PIP4K2A: variants seen among roughly 807,000 people sequenced by gnomAD.
PIP4K2A encodes the protein phosphatidylinositol-5-phosphate 4-kinase type 2 alpha, also known as phosphatidylinositol 5-phosphate 4-kinase type-2 alpha.
In PIP4K2A, 14 loss-of-function variants were observed where a neutral mutation model predicts 42.9. The ratio of observed to expected loss-of-function variants is 0.33; its 90% confidence interval spans 0.22 to 0.51. The LOEUF (loss-of-function observed/expected upper bound fraction) is 0.51, where lower values mean the gene tolerates loss of function less well. Ranked by LOEUF, PIP4K2A falls within the 20% of genes least tolerant of loss-of-function variation. The pLI, the probability that PIP4K2A is intolerant of heterozygous loss-of-function variation, is 0.97. For missense variants in PIP4K2A, 434 were observed against 519.8 expected (o/e 0.83, Z 1.61); for synonymous variants, 192 against 192.2 (o/e 1.00, Z 0.01).
Position 22,542,054 on chromosome 10 carries a change from A to G in PIP4K2A, c.793-7T>C. On this transcript the variant is annotated splice_polypyrimidine_tract_variant and splice_region_variant and intron_variant, in intron 7 of 9. Transcript: ENST00000376573. ...GCTTCAGCTGGGCCAGAAACTGGGG[A>G]CAGAGGCAACAGGGTGAGTCAGCCA... 1 of 1,601,038 alleles carries G rather than the reference A, an allele frequency of 6.2e-7. No homozygotes were observed. The highest frequency in any genetic ancestry group is 8.5e-7 in the Non-Finnish European group (1 of 1,173,498).
At position 22,664,128 on chromosome 10, in the gene PIP4K2A, TACATATATATATACATATATATAC is replaced by T. The variant is rs1564460041; in HGVS notation, c.144+50031_144+50054del. ...ACATATATATATACATATATATATATACATATATATATACATATATATACACATATATATATATACATATATATA... is the reference window on the plus strand; with the variant it reads ...ACATATATATATACATATATATATATACATATATATATATACATATATATA... On this transcript the variant is annotated intron_variant, in intron 1 of 9. Coordinates refer to ENST00000376573, the MANE Select transcript of PIP4K2A (RefSeq NM_005028.5). 4.9e-5 allele frequency among the ~76,000 whole-genome samples: 3 copies of T among 61,736 alleles called. No homozygotes were observed. The African/African-American group carries it at 5.1e-4, about 11-fold the overall frequency. 40.5% of individuals were successfully genotyped at this position (61,736 alleles called of 152,430 possible).
At position 22,578,655 on chromosome 10, in the gene PIP4K2A, T is replaced by A. The variant is rs886917228; in HGVS notation, c.493-5198A>T. On this transcript the variant is annotated intron_variant, in intron 4 of 9. Transcript: ENST00000376573. The stretch of plus-strand genomic sequence containing the variant: ...ACCTGATCCACACCGTTTGTTTACA[T>A]TTCTATCTGCGTCTCGATAACCCCC... Among the ~76,000 whole-genome samples, 5 of 152,212 alleles carry A rather than the reference T, an allele frequency of 3.3e-5. 1 individual carries two copies. Among genetic ancestry groups the A allele is most frequent in the African/African-American group, 1.2e-4 (5 of 41,460 alleles).
intron 6 of PIP4K2A, 112 bp from the exon 7 acceptor site, chr10:22,550,884 C>T (rs1836395040): frequency 2.7e-5 from 19 of 696,862 alleles, no homozygotes; most frequent in South Asian, 1.3e-4. Flanking sequence ...GCCCCCACCC[C>T]GTTCACCACC....
At chr10:22,602,785 A>G (rs1333508713) in intron 3 of PIP4K2A, among the ~76,000 whole-genome samples, 2 of 152,152 alleles carry the variant, frequency 1.3e-5, no homozygotes, top group African/African-American at 4.8e-5. Context: ...TCCTGGGCTC[A>G]AGAGATCCTC....
intron 3 of PIP4K2A, among the ~76,000 whole-genome samples, chr10:22,603,480 T>C (rs1332954375): frequency 1.3e-5 from 2 of 151,910 alleles, no homozygotes; most frequent in Admixed American, 6.5e-5. Context: ...GACGATCAAA[T>C]GAGTATAAGA....
At chr10:22,696,569 T>C (rs1564470636) in intron 1 of PIP4K2A, among the ~76,000 whole-genome samples, 2 of 152,184 alleles carry the variant, frequency 1.3e-5, no homozygotes, top group Non-Finnish European at 2.9e-5. Flanking sequence ...TGCAGACATT[T>C]TTCTCATAAG....
intron 1 of PIP4K2A, among the ~76,000 whole-genome samples, chr10:22,619,599 G>A (rs1252058824): frequency 1.3e-5 from 2 of 151,950 alleles, no homozygotes; most frequent in Non-Finnish European, 2.9e-5. Context: ...ACCACGTGTG[G>A]CTAGTTTTTG....
intron 1 of PIP4K2A, among the ~76,000 whole-genome samples, chr10:22,711,461 G>A (rs1274161348): frequency 6.6e-6 from 1 of 152,162 alleles, no homozygotes; most frequent in African/African-American, 2.4e-5. Flanking sequence ...CTTTTATATA[G>A]TATTCTACAA....
intron 7 of PIP4K2A, among the ~76,000 whole-genome samples, chr10:22,548,083 T>C (rs570435145): frequency 6.6e-6 from 1 of 152,202 alleles, no homozygotes; most frequent in Non-Finnish European, 1.5e-5. Flanking sequence ...ATGGAACTGA[T>C]GAAAACAGAA....
chr10:22,583,490 G>A lies in PIP4K2A; in HGVS notation c.492+8139C>T, dbSNP rs1022469516. 4.6e-4 allele frequency among the ~76,000 whole-genome samples: 70 copies of A among 152,182 alleles called. 1 individual carries two copies. The highest frequency in any genetic ancestry group is 4.5e-3 in the Admixed American group (69 of 15,288). On this transcript the variant is annotated intron_variant, in intron 4 of 9. Transcript: ENST00000376573. ...GAGCTGGGATCCAAGCCAAGGTGTT[G>A]GAGGTGCTAGACAGAGCCTGTCAGG...
At chr10:22,643,491 T>C (rs988349565) in intron 1 of PIP4K2A, among the ~76,000 whole-genome samples, 1 of 152,126 alleles carries the variant, frequency 6.6e-6, no homozygotes, top group African/African-American at 2.4e-5. Context: ...CCCTGTTTAA[T>C]TCAGATGTTA....
At chr10:22,569,822 A>C (rs1836940973) in intron 5 of PIP4K2A, among the ~76,000 whole-genome samples, 1 of 151,954 alleles carries the variant, frequency 6.6e-6, no homozygotes, top group Admixed American at 6.5e-5. Context: ...ATTCACAATA[A>C]AAAATTATTA....
intron 1 of PIP4K2A, among the ~76,000 whole-genome samples, chr10:22,673,058 A>G (rs765629400): frequency 6.6e-6 from 1 of 152,112 alleles, no homozygotes; most frequent in Non-Finnish European, 1.5e-5. Flanking sequence ...AGTGCTCTGA[A>G]CACACTTGGG....
At chr10:22,662,075 A>C (rs1474935779) in intron 1 of PIP4K2A, among the ~76,000 whole-genome samples, 6 of 152,210 alleles carry the variant, frequency 3.9e-5, no homozygotes. Flanking sequence ...AATGACAAGA[A>C]AACAAAAATG....
chr10:22,537,077 A>T lies in PIP4K2A; in HGVS notation c.*124T>A, dbSNP rs1398776882. The stretch of plus-strand genomic sequence containing the variant: ...CCAAATCAGTCATCTTGGCCTGAAG[A>T]TGTAAACAAGGAGGTTTGCTTCCTG... On this transcript the variant is annotated 3_prime_UTR_variant, in exon 10 of 10. Transcript: ENST00000376573. 1 of 690,262 alleles carries T rather than the reference A, an allele frequency of 1.4e-6. No individual in the cohort carries two copies. The highest frequency in any genetic ancestry group is 2.5e-6 in the Non-Finnish European group (1 of 397,500). 42.8% of individuals were successfully genotyped at this position (690,262 alleles called of 1,614,324 possible).
intron 9 of PIP4K2A, 55 bp downstream of exon 9, chr10:22,539,915 GA>G: frequency 1.4e-6 from 1 of 731,558 alleles, no homozygotes; most frequent in Non-Finnish European, 2.3e-6. Flanking sequence ...GAGAGAGGGA[GA>G]GAGAGAGAGA....
At chr10:22,692,347 T>G (rs1192830943) in intron 1 of PIP4K2A, among the ~76,000 whole-genome samples, 1 of 152,074 alleles carries the variant, frequency 6.6e-6, no homozygotes, top group Non-Finnish European at 1.5e-5. Context: ...TAAATACAGA[T>G]GAAGCTTTGA....
At chr10:22,608,268 G>T (rs551025981) in intron 2 of PIP4K2A, among the ~76,000 whole-genome samples, 1 of 152,246 alleles carries the variant, frequency 6.6e-6, no homozygotes, top group African/African-American at 2.4e-5. Context: ...TTAAATCCTG[G>T]CCACACACTG....
chr10:22,690,179 A>C (rs974741428), intron 1 of PIP4K2A, among the ~76,000 whole-genome samples: 1 of 149,456 alleles, frequency 6.7e-6, no homozygotes, highest in Admixed American at 6.7e-5. Context: ...CCTCAAAAAA[A>C]CCCTATTTTG....
Sources: gnomAD v4.1 joint callset for allele counts (sites outside exome capture counted in the v4.1 genomes callset) on GRCh38, gnomAD v4.1.1 for gene constraint, MANE v1.5 for transcripts, NCBI Gene and HGNC (gene_info 2026-07-23, HGNC 2026-07-21) for gene names.